NNT: variants seen among roughly 807,000 people sequenced by gnomAD.
NNT encodes NAD(P) transhydrogenase, mitochondrial.
A neutral mutation model predicts 104.8 loss-of-function variants in NNT; 50 were observed. The ratio of observed to expected loss-of-function variants is 0.48; its 90% CI spans 0.38 to 0.60. NNT has a LOEUF of 0.60. Among genes scored for constraint, NNT ranks in the 20% least tolerant of loss-of-function variants. NNT has a pLI of 0.00. For missense variants in NNT, 1,131 were observed against 1,330.7 expected (o/e 0.85, Z 2.33); for synonymous variants, 461 against 490.4 (o/e 0.94, Z 0.79).
chr5:43,658,140 A>T (rs912236598), intron 16 of NNT, among the ~76,000 whole-genome samples: 10 of 152,306 alleles, frequency 6.6e-5, no homozygotes, highest in Admixed American at 4.6e-4. Context: ...GTCTCAAAAA[A>T]AAAGAAAGAA....
intron 19 of NNT, among the ~76,000 whole-genome samples, chr5:43,691,087 G>A (rs1034106901): frequency 5.9e-5 from 9 of 151,438 alleles, no homozygotes; most frequent in African/African-American, 2.2e-4. Context: ...GTGTGTGTGT[G>A]TGTGTGTGTG....
chr5:43,661,910 C>T (rs1740388489), intron 17 of NNT, among the ~76,000 whole-genome samples: 1 of 152,060 alleles, frequency 6.6e-6, no homozygotes, highest in African/African-American at 2.4e-5. Flanking sequence ...ATTTATAATC[C>T]TGTGGGTATA....
intron 19 of NNT, among the ~76,000 whole-genome samples, chr5:43,696,602 C>T (rs1039465141): frequency 3.9e-5 from 6 of 152,214 alleles, no homozygotes; most frequent in Admixed American, 6.5e-5. Flanking sequence ...TTCCCTTCTG[C>T]ACTGCAGTAG....
intron 19 of NNT, among the ~76,000 whole-genome samples, chr5:43,686,451 G>T (rs572969490): frequency 6.6e-6 from 1 of 151,782 alleles, no homozygotes; most frequent in Non-Finnish European, 1.5e-5. Context: ...ATAATTATTG[G>T]CCTCAATCTA....
chr5:43,629,385 G>T (rs761502040), intron 7 of NNT, among the ~76,000 whole-genome samples: 1 of 152,088 alleles, frequency 6.6e-6, no homozygotes, highest in Non-Finnish European at 1.5e-5. Context: ...TGGTTGATGC[G>T]CATTTAGGCT....
chr5:43,687,857 A>T (rs1361754467), intron 19 of NNT, among the ~76,000 whole-genome samples: 2 of 152,200 alleles, frequency 1.3e-5, no homozygotes, highest in Non-Finnish European at 2.9e-5. Context: ...TTAATTTCTA[A>T]TTTGGTCCAA....
At chr5:43,612,038 G>A (rs1190801689) in intron 2 of NNT, among the ~76,000 whole-genome samples, 1 of 152,146 alleles carries the variant, frequency 6.6e-6, no homozygotes, top group Non-Finnish European at 1.5e-5. Context: ...TTGGATAAGT[G>A]GAATGTTATT....
intron 10 of NNT, among the ~76,000 whole-genome samples, chr5:43,646,145 G>T (rs1739415309): frequency 6.6e-6 from 1 of 152,100 alleles, no homozygotes; most frequent in Non-Finnish European, 1.5e-5. Context: ...CGGAATTGGA[G>T]ATTACATTTA....
At chr5:43,625,152 C>A (rs1750294846) in intron 6 of NNT, among the ~76,000 whole-genome samples, 1 of 152,118 alleles carries the variant, frequency 6.6e-6, no homozygotes, top group Non-Finnish European at 1.5e-5. Flanking sequence ...TTTCTCAAGA[C>A]CTCCAAGCCC....
intron 13 of NNT, among the ~76,000 whole-genome samples, chr5:43,652,180 T>C (rs972951477): frequency 6.6e-6 from 1 of 152,238 alleles, no homozygotes; most frequent in African/African-American, 2.4e-5. Context: ...ATCTTCATTA[T>C]GTATCTAGCT....
At chr5:43,678,112 C>T (rs1741516427) in intron 19 of NNT, among the ~76,000 whole-genome samples, 1 of 152,096 alleles carries the variant, frequency 6.6e-6, no homozygotes, top group Non-Finnish European at 1.5e-5. Context: ...AGTATATTTA[C>T]TATTCCTTAA....
intron 16 of NNT, 56 bp from the exon 17 acceptor site, chr5:43,659,115 C>A: frequency 1.4e-6 from 2 of 1,464,204 alleles, no homozygotes; most frequent in South Asian, 2.8e-5. Context: ...TGTTAAATGT[C>A]AGAGGTTTTA....
At chr5:43,671,140 G>A (rs556705661) in intron 17 of NNT, among the ~76,000 whole-genome samples, 80 of 152,122 alleles carry the variant, frequency 5.3e-4, no homozygotes, top group Admixed American at 1.3e-3. Flanking sequence ...TGCTTGGTAG[G>A]TCTTCCTCCA....
At chr5:43,683,994 A>G (rs1370680893) in intron 19 of NNT, among the ~76,000 whole-genome samples, 1 of 152,142 alleles carries the variant, frequency 6.6e-6, no homozygotes, top group African/African-American at 2.4e-5. Context: ...ACATGGTTTT[A>G]TAGAGGACTG....
intron 19 of NNT, among the ~76,000 whole-genome samples, chr5:43,695,798 A>G (rs558324439): frequency 6.6e-6 from 1 of 152,348 alleles, no homozygotes; most frequent in East Asian, 1.9e-4. Context: ...ATCAAGTCAC[A>G]TCTTACATGG....
intron 20 of NNT, among the ~76,000 whole-genome samples, chr5:43,701,732 A>G (rs1302837311): frequency 6.6e-6 from 1 of 152,142 alleles, no homozygotes; most frequent in Non-Finnish European, 1.5e-5. Flanking sequence ...CAGCCTTGCC[A>G]GCGTCTGTTA....
intron 10 of NNT, among the ~76,000 whole-genome samples, chr5:43,646,537 G>A (rs964144847): frequency 1.5e-4 from 23 of 151,656 alleles, no homozygotes; most frequent in African/African-American, 5.3e-4. Context: ...GAGCTCAAGT[G>A]ATCCTCCTGC....
chr5:43,677,636 A>C, intron 18 of NNT, 89 bp from the exon 19 acceptor site: 1 of 1,156,460 alleles, frequency 8.6e-7, no homozygotes, highest in South Asian at 1.2e-5. Flanking sequence ...TGTTGGCATA[A>C]ACATGTGTTT....
chr5:43,646,171 G>A (rs975887023), intron 10 of NNT, among the ~76,000 whole-genome samples: 18 of 152,264 alleles, frequency 1.2e-4, no homozygotes, highest in African/African-American at 4.3e-4. Context: ...TCAGTAAATA[G>A]AGGCACTGTG....
Sources: gnomAD v4.1 joint callset for allele counts (sites outside exome capture counted in the v4.1 genomes callset) on GRCh38, gnomAD v4.1.1 for gene constraint, MANE v1.5 for transcripts, NCBI Gene and HGNC (gene_info 2026-07-23, HGNC 2026-07-21) for gene names.